The following AQR variants were observed in gnomAD, a reference collection of about 807,000 sequenced individuals.
AQR encodes the protein aquarius intron-binding spliceosomal factor.
A neutral mutation model predicts 180.5 loss-of-function variants in AQR; 61 were observed. The ratio of observed to expected loss-of-function variants is 0.34; its 90% CI spans 0.28 to 0.42. AQR has a LOEUF of 0.42. Ranked by LOEUF, AQR falls within the 10% of genes least tolerant of loss-of-function variation. AQR has a pLI of 1.00. For missense variants in AQR, 1,281 were observed against 1,798.3 expected, an observed-to-expected ratio of 0.71 and a Z score of 5.20; for synonymous variants, 551 against 588.8, an observed-to-expected ratio of 0.94 and a Z score of 0.93.
At chr15:34,872,800 C>T (rs573286967) in intron 30 of AQR, among the ~76,000 whole-genome samples, 2 of 151,918 alleles carry the variant, frequency 1.3e-5, no homozygotes, top group Non-Finnish European at 2.9e-5. Context: ...AACTCAAGAT[C>T]TCTAATTTGT....
At chr15:34,863,182 G>C in intron 32 of AQR, 141 bp from the exon 33 acceptor site, 2 of 713,084 alleles carry the variant, frequency 2.8e-6, no homozygotes, top group Non-Finnish European at 4.4e-6. Context: ...CTTAATAGAA[G>C]TTAATCAATG....
chr15:34,898,582 G>T (rs1893282023), intron 20 of AQR, among the ~76,000 whole-genome samples: 1 of 152,158 alleles, frequency 6.6e-6, no homozygotes, highest in South Asian at 2.1e-4. Flanking sequence ...CAGTACAAAT[G>T]GCACATGAAA....
chr15:34,964,596 C>G, intron 1 of AQR: 1 of 424,504 alleles, frequency 2.4e-6, no homozygotes, highest in South Asian at 2.2e-5. Context: ...ACATCTTCAG[C>G]ATGGCAATAA....
rs1421417320 is a variant in AQR, at chr15:34,919,213, T to A, written c.1222-835A>T. On this transcript the variant is annotated intron_variant, in intron 14 of 34. Coordinates refer to ENST00000156471, the MANE Select transcript of AQR (RefSeq NM_014691.3). Reference sequence around the variant, plus strand: ...GAGATTGCACCATTGCACTCCAGCCTGGGGGACAGAGTGAGACTCCATCTC... The same window carrying A: ...GAGATTGCACCATTGCACTCCAGCCAGGGGGACAGAGTGAGACTCCATCTC... Among the ~76,000 whole-genome samples the A allele has an allele frequency of 2.1e-5, 3 of 139,552 alleles. No individual in the cohort carries two copies. The East Asian group carries it at 6.2e-4, about 29-fold the overall frequency. 91.6% of individuals were successfully genotyped at this position (139,552 alleles called of 152,430 possible).
chr15:34,959,606 C>A (rs867588109), intron 3 of AQR, among the ~76,000 whole-genome samples: 5 of 152,214 alleles, frequency 3.3e-5, no homozygotes, highest in African/African-American at 1.2e-4. Flanking sequence ...CCCCCAACAA[C>A]GTGGCAAAAG....
intron 15 of AQR, among the ~76,000 whole-genome samples, 197 bp from the exon 16 acceptor site, chr15:34,915,376 G>A (rs973373701): frequency 6.6e-6 from 1 of 151,710 alleles, no homozygotes; most frequent in Non-Finnish European, 1.5e-5. Flanking sequence ...GTTTTTAGTA[G>A]AGACAGGGTT....
At chr15:34,927,285 G>C (rs2140490067) in intron 12 of AQR, 147 bp from the exon 13 acceptor site, 1 of 390,088 alleles carries the variant, frequency 2.6e-6, no homozygotes, top group East Asian at 4.2e-5. Context: ...ACCTTAATCA[G>C]ACAGAAGCAT....
intron 27 of AQR, among the ~76,000 whole-genome samples, 194 bp downstream of exon 27, chr15:34,882,308 C>A (rs901245542): frequency 6.6e-6 from 1 of 151,434 alleles, no homozygotes; most frequent in East Asian, 1.9e-4. Context: ...ATAACATTAC[C>A]TAATGGACAT....
At chr15:34,913,042 G>A (rs1893523790) in intron 16 of AQR, among the ~76,000 whole-genome samples, 1 of 152,138 alleles carries the variant, frequency 6.6e-6, no homozygotes, top group African/African-American at 2.4e-5. Context: ...CTTTAATGCA[G>A]TATAGTTTAC....
chr15:34,898,740 C>T (rs1317826313), intron 20 of AQR, among the ~76,000 whole-genome samples: 2 of 148,896 alleles, frequency 1.3e-5, no homozygotes, highest in East Asian at 2.0e-4. Flanking sequence ...AAAAATTAGC[C>T]GGGCGTGGTG....
chr15:34,904,834 C>T (rs1893386503), intron 18 of AQR, among the ~76,000 whole-genome samples: 1 of 152,018 alleles, frequency 6.6e-6, no homozygotes, highest in South Asian at 2.1e-4. Context: ...TTTTGTCACT[C>T]ATAGCTCCCA....
chr15:34,894,585 A>T (rs1259301420), intron 22 of AQR, among the ~76,000 whole-genome samples: 1 of 152,204 alleles, frequency 6.6e-6, no homozygotes, highest in Non-Finnish European at 1.5e-5. Flanking sequence ...AATGGCAAAT[A>T]TAATAAGAGG....
intron 16 of AQR, among the ~76,000 whole-genome samples, chr15:34,914,362 A>T (rs776027775): frequency 2.0e-5 from 3 of 152,228 alleles, no homozygotes; most frequent in Non-Finnish European, 4.4e-5. Flanking sequence ...CCAGAATGAA[A>T]GACTTTTCTT....
At chr15:34,865,770 T>G (rs536310873) in intron 32 of AQR, among the ~76,000 whole-genome samples, 1 of 152,306 alleles carries the variant, frequency 6.6e-6, no homozygotes, top group East Asian at 1.9e-4. Flanking sequence ...CAATGAACCT[T>G]GAACATATGT....
intron 5 of AQR, among the ~76,000 whole-genome samples, chr15:34,945,088 C>A (rs539079027): frequency 3.9e-4 from 60 of 152,170 alleles, no homozygotes; most frequent in Non-Finnish European, 7.5e-4. Context: ...GTTATCTAAA[C>A]CGCAATATTC....
chr15:34,858,140 T>G (rs146028841), intron 34 of AQR, among the ~76,000 whole-genome samples: 1 of 151,796 alleles, frequency 6.6e-6, no homozygotes, highest in Non-Finnish European at 1.5e-5. Context: ...TGTACCACCA[T>G]GCCTGGCTAA....
At chr15:34,943,203 G>A (rs374441816) in intron 6 of AQR, 80 of 1,610,488 alleles carry the variant, frequency 5.0e-5, no homozygotes, top group Admixed American at 3.5e-4. Flanking sequence ...GCGGCGTTAT[G>A]ACAGGAAGCA....
At chr15:34,930,450 G>GTATT in intron 11 of AQR, 79 bp from the exon 12 acceptor site, 3 of 759,946 alleles carry the variant, frequency 3.9e-6, no homozygotes, top group Non-Finnish European at 6.4e-6. Context: ...ATAATAAACA[G>GTATT]GTTCATACAG....
intron 1 of AQR, 54 bp from the exon 2 acceptor site, chr15:34,964,344 TG>T (rs2050298221): frequency 2.2e-6 from 3 of 1,388,050 alleles, no homozygotes; most frequent in Non-Finnish European, 3.1e-6. Context: ...ATTGTAGAGC[TG>T]GAAGACAGAT....
Sources: allele counts gnomAD v4.1 joint callset (sites outside exome capture counted in the v4.1 genomes callset), GRCh38; gene constraint gnomAD v4.1.1; transcripts MANE v1.5; gene names NCBI Gene and HGNC (gene_info 2026-07-23, HGNC 2026-07-21).